PPP2R2C: variants seen among roughly 807,000 people sequenced by gnomAD.
PPP2R2C encodes protein phosphatase 2 regulatory subunit Bgamma, also known as protein phosphatase 2, regulatory subunit B, gamma.
A neutral mutation model predicts 45.3 loss-of-function variants in PPP2R2C; 10 were observed. The ratio of observed to expected loss-of-function variants is 0.22; its 90% confidence interval spans 0.14 to 0.37. The LOEUF is 0.37. Ranked by LOEUF, PPP2R2C falls within the 10% of genes least tolerant of loss-of-function variation. The pLI is 1.00. For synonymous variants in PPP2R2C, 257 were observed against 245.4 expected, an observed-to-expected ratio of 1.05 and a Z score of -0.44; for missense variants, 308 against 619.7, an observed-to-expected ratio of 0.50 and a Z score of 5.34.
intron 1 of PPP2R2C, among the ~76,000 whole-genome samples, chr4:6,429,080 AAT>A (rs1719480723): frequency 6.6e-6 from 1 of 151,822 alleles, no homozygotes; most frequent in African/African-American, 2.4e-5. Context: ...ATCCACAGAC[AAT>A]GTGTAGATAC....
At chr4:6,543,846 G>A (rs1410934327) in intron 1 of PPP2R2C, among the ~76,000 whole-genome samples, 1 of 152,200 alleles carries the variant, frequency 6.6e-6, no homozygotes, top group Non-Finnish European at 1.5e-5. Context: ...GCCCCAAGCA[G>A]TACTGGGGGT....
chr4:6,331,226 C>T lies in PPP2R2C; in HGVS notation c.961-1873G>A, dbSNP rs1027972967. On this transcript the variant is annotated intron_variant, in intron 7 of 8. Coordinates refer to ENST00000382599, the MANE Select transcript of PPP2R2C (RefSeq NM_020416.4). This position sits in a 1 kb window ranked among gnomAD's most constrained non-coding sequence, Gnocchi z 5.9. Reference sequence around the variant, plus strand: ...TGCCGTGCACTAAGCATCTCCTGCCCTCTAGTGGCAGGGTGAGGAAGAGCT... The same window carrying T: ...TGCCGTGCACTAAGCATCTCCTGCCTTCTAGTGGCAGGGTGAGGAAGAGCT... 6.6e-6 allele frequency among the ~76,000 whole-genome samples: 1 copy of T among 152,192 alleles called. No homozygotes were observed. The highest frequency in any genetic ancestry group is 1.5e-5 in the Non-Finnish European group (1 of 68,044).
At chr4:6,462,820 T>C (rs872883) in intron 1 of PPP2R2C, among the ~76,000 whole-genome samples, 617 of 152,216 alleles carry the variant, frequency 4.1e-3, no homozygotes, top group Middle Eastern at 0.027. Context: ...AAATTCTTCA[T>C]CCAAAAGCAG....
At chr4:6,536,168 G>A (rs1230586988) in intron 1 of PPP2R2C, among the ~76,000 whole-genome samples, 1 of 152,220 alleles carries the variant, frequency 6.6e-6, no homozygotes, top group East Asian at 1.9e-4. Context: ...GCCTCAAGGT[G>A]AAGGATAGGA....
intron 2 of PPP2R2C, among the ~76,000 whole-genome samples, chr4:6,534,648 G>A (rs4689475): frequency 1.3e-5 from 2 of 152,140 alleles, no homozygotes; most frequent in Non-Finnish European, 2.9e-5. Context: ...AACACACACA[G>A]CCCCAAAGAG....
At chr4:6,516,789 G>A (rs1274838171) in intron 2 of PPP2R2C, among the ~76,000 whole-genome samples, 1 of 152,150 alleles carries the variant, frequency 6.6e-6, no homozygotes, top group Non-Finnish European at 1.5e-5. Flanking sequence ...GTCCTCACCT[G>A]GCAATATAAA....
chr4:6,351,064 G>T, intron 5 of PPP2R2C: 1 of 978,804 alleles, frequency 1.0e-6, no homozygotes, highest in Non-Finnish European at 1.2e-6. Flanking sequence ...CAGCACTTTG[G>T]GAGGTCAAGG....
At chr4:6,413,793 G>C (rs1718362807) in intron 1 of PPP2R2C, 25 of 1,403,456 alleles carry the variant, frequency 1.8e-5, no homozygotes, top group Non-Finnish European at 2.4e-5. Flanking sequence ...GTGGAGACTG[G>C]CCAAAGGCCA....
intron 1 of PPP2R2C, among the ~76,000 whole-genome samples, chr4:6,405,943 G>A (rs1328024867): frequency 6.6e-6 from 1 of 152,106 alleles, no homozygotes; most frequent in Non-Finnish European, 1.5e-5. Flanking sequence ...TTTCCTGGCA[G>A]CAGGGGGGTC....
intron 5 of PPP2R2C, among the ~76,000 whole-genome samples, chr4:6,352,689 G>A (rs1259514783): frequency 1.3e-5 from 2 of 152,128 alleles, no homozygotes; most frequent in East Asian, 3.9e-4. Flanking sequence ...AGGTAAAATC[G>A]CTCTTCAATC....
upstream of PPP2R2C, among the ~76,000 whole-genome samples, chr4:6,472,799 C>T (rs1382332090): frequency 1.3e-5 from 2 of 151,958 alleles, no homozygotes; most frequent in East Asian, 1.9e-4. Context: ...AGGAGACCGC[C>T]AGCTTGCGGG....
At chr4:6,414,658 A>T (rs566066596) in intron 1 of PPP2R2C, among the ~76,000 whole-genome samples, 24 of 151,804 alleles carry the variant, frequency 1.6e-4, no homozygotes, top group African/African-American at 5.8e-4. Context: ...CGAGGCTCAG[A>T]GAAGCAAGGG....
chr4:6,452,977 T>C (rs774102816), intron 1 of PPP2R2C, among the ~76,000 whole-genome samples: 17 of 152,036 alleles, frequency 1.1e-4, no homozygotes, highest in Non-Finnish European at 2.2e-4. Flanking sequence ...CAGCCTGTGG[T>C]TGGTTAAAGG....
At chr4:6,327,117 T>G (rs1732006510) in intron 8 of PPP2R2C, among the ~76,000 whole-genome samples, 1 of 152,154 alleles carries the variant, frequency 6.6e-6, no homozygotes, top group South Asian at 2.1e-4. Context: ...CCTCTATGCC[T>G]TCTAGAAACA....
chr4:6,420,461 C>A (rs987531780), intron 1 of PPP2R2C, among the ~76,000 whole-genome samples: 5 of 151,722 alleles, frequency 3.3e-5, no homozygotes, highest in Admixed American at 2.0e-4. Context: ...GACAGATGTA[C>A]TTTTTCTGCA....
At chr4:6,457,442 G>A (rs919709648) in intron 1 of PPP2R2C, among the ~76,000 whole-genome samples, 1 of 152,010 alleles carries the variant, frequency 6.6e-6, no homozygotes, top group Non-Finnish European at 1.5e-5. Flanking sequence ...TGCAATCATA[G>A]CTCACTGCAG....
chr4:6,367,662 G>A (rs1451547056), intron 5 of PPP2R2C, among the ~76,000 whole-genome samples: 1 of 152,148 alleles, frequency 6.6e-6, no homozygotes, highest in African/African-American at 2.4e-5. Flanking sequence ...AGTCCTCATC[G>A]CAGCACCTGC....
rs937290029 is a variant in PPP2R2C at position 6,462,441 on chromosome 4, T to C, written c.70+9719A>G. Among the ~76,000 whole-genome samples the C allele has an allele frequency of 7.2e-5, 11 of 152,068 alleles. 1 individual carries two copies. Among genetic ancestry groups the C allele is most frequent in the Admixed American group, 2.0e-4 (3 of 15,268 alleles). On this transcript the variant is annotated intron_variant, in intron 1 of 8. Transcript: ENST00000382599. ...TTTCAGTGAGCCAAGATCACGCCAT[T>C]GTACTCCAGCCTGGGCGACAGAGTG...
intron 1 of PPP2R2C, among the ~76,000 whole-genome samples, chr4:6,406,676 G>A (rs898554700): frequency 1.3e-5 from 2 of 152,142 alleles, no homozygotes; most frequent in African/African-American, 4.8e-5. Flanking sequence ...AGAATCCATT[G>A]AACCTGGGAG....
Sources: allele counts gnomAD v4.1 joint callset (sites outside exome capture counted in the v4.1 genomes callset), GRCh38; gene constraint gnomAD v4.1.1; non-coding constraint Gnocchi (gnomAD v3.1); transcripts MANE v1.5; gene names NCBI Gene and HGNC (gene_info 2026-07-23, HGNC 2026-07-21).